MMS19: variants seen among roughly 807,000 people sequenced by gnomAD.
The protein encoded by MMS19 is MMS19 nucleotide excision repair protein homolog.
In MMS19, 77 loss-of-function variants were observed where a neutral mutation model predicts 129.8. The observed-to-expected ratio is 0.59, with a 90% confidence interval of 0.49 to 0.72. MMS19 has a LOEUF of 0.72. MMS19 is among the 30% of genes least tolerant of loss of function. The pLI is 0.00. For missense variants in MMS19, 1,168 were observed against 1,266.3 expected (o/e 0.92, Z 1.18); for synonymous variants, 491 against 502.8 (o/e 0.98, Z 0.31).
At chr10:97,468,746 T>C (rs1464041183) in intron 12 of MMS19, among the ~76,000 whole-genome samples, 1 of 152,062 alleles carries the variant, frequency 6.6e-6, no homozygotes, top group South Asian at 2.1e-4. Context: ...GTAGCTGGGA[T>C]TACAGGCGTC....
chr10:97,474,272 G>A (rs1437432659), intron 8 of MMS19, among the ~76,000 whole-genome samples: 3 of 152,044 alleles, frequency 2.0e-5, no homozygotes, highest in African/African-American at 2.4e-5. Flanking sequence ...GGCTGGATAT[G>A]TGGCTCACAC....
intron 19 of MMS19, 200 bp from the exon 20 acceptor site, chr10:97,462,882 G>A (rs373684788): frequency 6.8e-6 from 4 of 586,090 alleles, no homozygotes; most frequent in Admixed American, 3.1e-5. Flanking sequence ...GCCACAGAGC[G>A]CTCCTGAGAA....
Position 97,468,389 on chromosome 10 carries a change from A to G in MMS19, c.1081T>C (p.Cys361Arg). The G allele has an allele frequency of 6.2e-7, 1 of 1,609,454 alleles. No homozygotes were observed. Among genetic ancestry groups the G allele is most frequent in the Non-Finnish European group, 8.5e-7 (1 of 1,176,974 alleles). Reference sequence around the variant, plus strand: ...CACACCAGTTTCATGTCCGGTTCACACAGGTGGTGCCTGCAGTCTAGAGAA... The same window carrying G: ...CACACCAGTTTCATGTCCGGTTCACGCAGGTGGTGCCTGCAGTCTAGAGAA... ...NILQDCRHHL[C>R]EPDMKLVWPS... The change falls in exon 13 of 31, where the codon TGT becomes CGT. Residue 361 changes from cysteine to arginine, a missense_variant. Coordinates refer to ENST00000438925, the MANE Select transcript of MMS19 (RefSeq NM_022362.5).
At chr10:97,497,676 G>C (rs2040042587) in intron 1 of MMS19, among the ~76,000 whole-genome samples, 1 of 152,184 alleles carries the variant, frequency 6.6e-6, no homozygotes, top group African/African-American at 2.4e-5. Flanking sequence ...AAAAACAAAC[G>C]CCACATAAAA....
intron 8 of MMS19, among the ~76,000 whole-genome samples, chr10:97,471,442 A>G (rs534087360): frequency 3.3e-5 from 5 of 152,114 alleles, no homozygotes; most frequent in South Asian, 2.1e-4. Context: ...CTGAAAACAT[A>G]TATCAGGTTT....
chr10:97,483,305 C>T (rs1431259664), intron 2 of MMS19, among the ~76,000 whole-genome samples: 4 of 152,242 alleles, frequency 2.6e-5, no homozygotes, highest in South Asian at 2.1e-4. Flanking sequence ...CCACCTTCTT[C>T]GGCCTCTCAA....
chr10:97,461,731 G>A, intron 22 of MMS19, 97 bp downstream of exon 22: 1 of 1,536,344 alleles, frequency 6.5e-7, no homozygotes, highest in African/African-American at 1.4e-5. Flanking sequence ...CTTCTCTGGT[G>A]GGGGAAGTAA....
chr10:97,458,846 T>C lies in MMS19; in HGVS notation c.3019A>G (p.Lys1007Glu), dbSNP rs1486762361. 1 of 1,613,998 alleles carries C rather than the reference T, an allele frequency of 6.2e-7. No individual in the cohort carries two copies. The highest frequency in any genetic ancestry group is 2.2e-5 in the East Asian group (1 of 44,880). ...IRALAKPLDDKKRLVRKEAVS... is the reference protein window; with the variant it reads ...IRALAKPLDDEKRLVRKEAVS... The stretch of plus-strand genomic sequence containing the variant: ...GCTTCCTTGCGCACCAGTCTCTTCT[T>C]GTCATCCAGGGGTTTGGCTAAGGCC... The change falls in exon 30 of 31, where the codon AAG becomes GAG. Residue 1007 changes from lysine (K) to glutamate (E), a missense_variant. This residue lies in a region of MMS19 where 831 missense variants were observed against 910.8 expected (regional missense o/e 0.91). Coordinates refer to ENST00000438925, the MANE Select transcript of MMS19 (RefSeq NM_022362.5).
At chr10:97,475,883 A>G (rs923692897) in intron 8 of MMS19, among the ~76,000 whole-genome samples, 2 of 152,254 alleles carry the variant, frequency 1.3e-5, no homozygotes, top group African/African-American at 4.8e-5. Flanking sequence ...TGATTATGAA[A>G]GAGATAAAAA....
chr10:97,492,048 G>A (rs2038983463), intron 1 of MMS19, among the ~76,000 whole-genome samples: 1 of 147,932 alleles, frequency 6.8e-6, no homozygotes, highest in African/African-American at 2.5e-5. Flanking sequence ...TGAGGCAGGA[G>A]AATCACCTGA....
At chr10:97,462,280 T>G (rs578225078) in intron 20 of MMS19, among the ~76,000 whole-genome samples, 161 bp from the exon 21 acceptor site, 1 of 152,264 alleles carries the variant, frequency 6.6e-6, no homozygotes, top group African/African-American at 2.4e-5. Context: ...TTGGCACATA[T>G]GTGCCAGTAA....
In MMS19 at chr10:97,477,698, A is replaced by G. The variant is rs995963138; in HGVS notation, c.423+157T>C. 5.4e-4 allele frequency among the ~76,000 whole-genome samples: 82 copies of G among 152,234 alleles called. 1 individual carries two copies. Among genetic ancestry groups the G allele is most frequent in the African/African-American group, 1.9e-3 (80 of 41,466 alleles). ...TGCACCCCTTTCCTTGTCCAATAAC[A>G]AAGATGAGCATATAAACATACTGAA... On this transcript the variant is annotated intron_variant, in intron 5 of 30. Transcript: ENST00000438925.
intron 1 of MMS19, among the ~76,000 whole-genome samples, chr10:97,497,351 A>G (rs1453616305): frequency 6.6e-6 from 1 of 152,204 alleles, no homozygotes. Flanking sequence ...TTCTTTTCTT[A>G]CATATTCTAA....
chr10:97,478,428 C>T (rs754586007), intron 3 of MMS19, 39 bp from the exon 4 acceptor site: 21 of 1,438,154 alleles, frequency 1.5e-5, no homozygotes, highest in Middle Eastern at 1.7e-4. Flanking sequence ...GACATAGGCA[C>T]GAGAAGGGCC....
At chr10:97,473,642 G>A (rs905957881) in intron 8 of MMS19, among the ~76,000 whole-genome samples, 4 of 151,666 alleles carry the variant, frequency 2.6e-5, no homozygotes, top group Non-Finnish European at 4.4e-5. Flanking sequence ...GGCTAAGAAT[G>A]GTTTTAACAT....
At chr10:97,497,778 C>T (rs556804029) in intron 1 of MMS19, among the ~76,000 whole-genome samples, 3 of 152,340 alleles carry the variant, frequency 2.0e-5, no homozygotes, top group African/African-American at 7.2e-5. Context: ...CCTCCTGGCC[C>T]GTCTCCTCAA....
At chr10:97,485,645 A>C (rs1343809548) in intron 1 of MMS19, among the ~76,000 whole-genome samples, 1 of 151,494 alleles carries the variant, frequency 6.6e-6, no homozygotes, top group Non-Finnish European at 1.5e-5. Flanking sequence ...ATAGGGCTTT[A>C]CAATGTTGGC....
rs1406366230 is a variant in MMS19 at position 97,466,894 on chromosome 10, C to A, written c.1305G>T (p.Arg435Ser). The A allele has an allele frequency of 6.2e-7, 1 of 1,613,886 alleles. No individual in the cohort carries two copies. Among genetic ancestry groups the A allele is most frequent in the Non-Finnish European group, 8.5e-7 (1 of 1,179,868 alleles). The change falls in exon 15 of 31, where the codon AGG (arginine) becomes AGT (serine). Residue 435 changes from arginine to serine, a missense_variant. By Grantham distance (110) the Arg-to-Ser change is moderately radical. Transcript: ENST00000438925. ...GCTGGTCCTTGAAGCCATTCAGAGGCCTTTGATCTAGGGAAGAGACAGAGG... is the reference window on the plus strand; with the variant it reads ...GCTGGTCCTTGAAGCCATTCAGAGGACTTTGATCTAGGGAAGAGACAGAGG... ...QKWSYEDKDQ[R>S]PLNGFKDQLC...
intron 19 of MMS19, chr10:97,463,048 G>C: frequency 4.2e-6 from 1 of 236,534 alleles, no homozygotes; most frequent in Non-Finnish European, 8.3e-6. Flanking sequence ...TAAAAACATA[G>C]ATTTATCTTC....
Sources: allele counts gnomAD v4.1 joint callset (sites outside exome capture counted in the v4.1 genomes callset), GRCh38; gene constraint gnomAD v4.1.1; regional missense constraint gnomAD v4.1.1; transcripts MANE v1.5; gene names NCBI Gene and HGNC (gene_info 2026-07-23, HGNC 2026-07-21).